Variants in CCDC14 observed in about 807,000 individuals in gnomAD.
CCDC14 encodes the protein coiled-coil domain-containing protein 14.
In CCDC14, 71 loss-of-function variants were observed where a neutral mutation model predicts 81.4. The observed-to-expected ratio is 0.87, with a 90% CI of 0.72 to 1.06. The LOEUF is 1.06. Ranked by LOEUF, CCDC14 falls within the 50% of genes least tolerant of loss-of-function variation. The probability of loss-of-function intolerance (pLI) is 0.00; values close to 1 mark genes in which losing one functional copy is unlikely to be tolerated. For synonymous variants in CCDC14, 332 were observed against 364.8 expected (o/e 0.91, Z 1.03); for missense variants, 1,046 against 1,047.3 (o/e 1.00, Z 0.02).
intron 5 of CCDC14, chr3:123,954,986 G>C (rs1183282555): frequency 6.6e-6 from 1 of 152,064 alleles, no homozygotes; most frequent in Non-Finnish European, 1.5e-5. Context: ...CCTTGCCTTA[G>C]TTCTCTACCT....
the CCDC14 span, among the ~76,000 whole-genome samples, chr3:123,890,926 C>T: frequency 1.3e-5 from 2 of 152,232 alleles, no homozygotes; most frequent in Non-Finnish European, 2.9e-5. Flanking sequence ...AGCAAACTTC[C>T]ACCTGGGCAT....
the CCDC14 span, among the ~76,000 whole-genome samples, chr3:123,886,797 G>T: frequency 6.6e-6 from 1 of 152,102 alleles, no homozygotes; most frequent in Non-Finnish European, 1.5e-5. Flanking sequence ...CTTTTCAATA[G>T]ACAGAGCTAC....
Position 123,914,770 on chromosome 3 carries a change from C to A in CCDC14, c.*9G>T. 6.7e-7 allele frequency: 1 copy of A among 1,498,882 alleles called. No individual in the cohort carries two copies. The highest frequency in any genetic ancestry group is 8.9e-7 in the Non-Finnish European group (1 of 1,123,792). 92.8% of individuals were successfully genotyped at this position (1,498,882 alleles called of 1,614,324 possible). A position where few individuals can be genotyped will look rare whatever the true frequency, so the allele number is the denominator to read the frequency against. On this transcript the variant is annotated 3_prime_UTR_variant, in exon 13 of 13. Transcript: ENST00000409697. ...TAAAAAGAAGCACCTGATGAGTTTT[C>A]TTCTGAATTCATTTCTCCAGAAGAC... is the stretch of plus-strand genomic sequence containing the variant.
At chr3:123,901,478 C>T (rs2034178506) in intron 5 of CCDC14, among the ~76,000 whole-genome samples, 1 of 151,538 alleles carries the variant, frequency 6.6e-6, no homozygotes, top group South Asian at 2.1e-4. Flanking sequence ...TAACTGGCTA[C>T]TCACTTGAAA....
At chr3:123,894,501 G>A (rs981095737), downstream of CCDC14, among the ~76,000 whole-genome samples, 2 of 152,128 alleles carry the variant, frequency 1.3e-5, no homozygotes, top group African/African-American at 4.8e-5. Context: ...ATAACATTGG[G>A]ATTTTAATAG....
intron 1 of CCDC14, 96 bp downstream of exon 1, chr3:123,961,048 G>A: frequency 1.8e-6 from 2 of 1,097,184 alleles, no homozygotes; most frequent in Non-Finnish European, 2.6e-6. Flanking sequence ...CATTGTCTTT[G>A]TCTTTTTTCG....
chr3:123,909,232 G>A (rs188242184), downstream of CCDC14, among the ~76,000 whole-genome samples: 46 of 152,262 alleles, frequency 3.0e-4, no homozygotes, highest in Non-Finnish European at 5.6e-4. Context: ...CCTACTGAGC[G>A]GCTGACAACA....
At chr3:123,924,173 C>CA (rs1289193609) in intron 12 of CCDC14, among the ~76,000 whole-genome samples, 2 of 151,830 alleles carry the variant, frequency 1.3e-5, no homozygotes, top group African/African-American at 4.8e-5. Flanking sequence ...ACAAAGGTGA[C>CA]AAGAAAACAA....
At position 123,914,836 on chromosome 3, in the gene CCDC14, T is replaced by C; in HGVS notation, c.2661A>G (p.Leu887=). ...EQDFRNGLAA[L]DANIARLQKS... ...TCTGGAGTCTAGCTATGTTGGCATCTAATGCCGCAAGGCCATTTCTGAAGT... is the reference window on the plus strand; with the variant it reads ...TCTGGAGTCTAGCTATGTTGGCATCCAATGCCGCAAGGCCATTTCTGAAGT... The change falls in exon 13 of 13, where the codon TTA becomes TTG. Residue 887 remains leucine, a synonymous_variant. Coordinates refer to ENST00000409697, the MANE Select transcript of CCDC14 (RefSeq NM_001366335.1). The C allele has an allele frequency of 6.2e-7, 1 of 1,601,122 alleles. No individual in the cohort carries two copies. The highest frequency in any genetic ancestry group is 2.2e-5 in the East Asian group (1 of 44,488).
At chr3:123,900,390 A>G (rs150580663) in intron 5 of CCDC14, among the ~76,000 whole-genome samples, 46 of 152,312 alleles carry the variant, frequency 3.0e-4, no homozygotes, top group African/African-American at 1.1e-3. Flanking sequence ...GCTGCCTAAA[A>G]CAGCAACATT....
At chr3:123,958,424 T>G (rs1232039588) in intron 1 of CCDC14, 1 of 152,146 alleles carries the variant, frequency 6.6e-6, no homozygotes, top group Admixed American at 6.5e-5. Flanking sequence ...TAAAAGCACC[T>G]TGAAACAGTA....
chr3:123,888,870 C>A, the CCDC14 span, among the ~76,000 whole-genome samples: 2 of 152,138 alleles, frequency 1.3e-5, no homozygotes, highest in African/African-American at 4.8e-5. Flanking sequence ...AAATCCAAAT[C>A]ATATAATTCC....
At chr3:123,934,270 CAAAAAA>C (rs61094944) in intron 9 of CCDC14, among the ~76,000 whole-genome samples, 872 of 52,306 alleles carry the variant, frequency 0.017, 14 homozygotes, top group African/African-American at 0.069. Context: ...GACTCTGCCT[CAAAAAA>C]AAAAAAAAAA....
chr3:123,906,890 T>C (rs756944926), intron 5 of CCDC14, among the ~76,000 whole-genome samples: 3 of 152,230 alleles, frequency 2.0e-5, no homozygotes, highest in African/African-American at 4.8e-5. Context: ...ATTTCTGAGA[T>C]GGTGTAATGT....
chr3:123,958,984 T>C (rs2037508768), intron 1 of CCDC14: 1 of 152,182 alleles, frequency 6.6e-6, no homozygotes, highest in Non-Finnish European at 1.5e-5. Flanking sequence ...TTCTTTCTTT[T>C]TAAAGGTTGA....
chr3:123,901,485 G>A (rs1003450295), intron 5 of CCDC14, among the ~76,000 whole-genome samples: 4 of 151,500 alleles, frequency 2.6e-5, no homozygotes, highest in Non-Finnish European at 5.9e-5. Flanking sequence ...CTACTCACTT[G>A]AAAGAAAAGT....
intron 5 of CCDC14, among the ~76,000 whole-genome samples, chr3:123,907,483 G>A (rs2148765667): frequency 6.6e-6 from 1 of 151,886 alleles, no homozygotes; most frequent in Non-Finnish European, 1.5e-5. Context: ...CAAGGCATGA[G>A]GATTGCTTGA....
intron 9 of CCDC14, among the ~76,000 whole-genome samples, chr3:123,943,418 C>T (rs1348579540): frequency 1.3e-5 from 2 of 152,088 alleles, no homozygotes; most frequent in Non-Finnish European, 2.9e-5. Context: ...TCACCTGCTC[C>T]TTTTTCCTCC....
chr3:123,916,468 TTGTGTG>T (rs71142765), intron 12 of CCDC14, among the ~76,000 whole-genome samples: 1,738 of 146,170 alleles, frequency 0.012, 43 homozygotes, highest in African/African-American at 0.041. Flanking sequence ...ATATATGTGT[TTGTGTG>T]TGTGTGTGTG....
Sources: gnomAD v4.1 joint callset for allele counts (sites outside exome capture counted in the v4.1 genomes callset) on GRCh38, gnomAD v4.1.1 for gene constraint, MANE v1.5 for transcripts, NCBI Gene and HGNC (gene_info 2026-07-23, HGNC 2026-07-21) for gene names.